Variants in KIF16B observed in about 807,000 individuals in gnomAD.
KIF16B encodes kinesin family member 16B, also known as kinesin-like protein KIF16B.
In KIF16B, 98 loss-of-function variants were observed where a neutral mutation model predicts 156.3. The observed-to-expected ratio is 0.63, with a 90% CI of 0.53 to 0.74. The LOEUF is 0.74. Among genes scored for constraint, KIF16B ranks in the 30% least tolerant of loss-of-function variants. KIF16B has a pLI of 0.00. For synonymous variants in KIF16B, 564 were observed against 583.7 expected (o/e 0.97, Z 0.49); for missense variants, 1,421 against 1,606.5 (o/e 0.88, Z 1.97).
chr20:16,463,480 T>G (rs1428019641), intron 12 of KIF16B, among the ~76,000 whole-genome samples: 1 of 152,212 alleles, frequency 6.6e-6, no homozygotes, highest in Non-Finnish European at 1.5e-5. Context: ...GTCCGATGTT[T>G]TTTAACAAAA....
intron 1 of KIF16B, among the ~76,000 whole-genome samples, chr20:16,561,545 T>C (rs1240579353): frequency 6.6e-6 from 1 of 152,034 alleles, no homozygotes; most frequent in African/African-American, 2.4e-5. Context: ...GAGGGGAAAA[T>C]TCTTTTGCAA....
At chr20:16,349,176 T>C (rs368594809) in intron 23 of KIF16B, among the ~76,000 whole-genome samples, 8 of 152,250 alleles carry the variant, frequency 5.3e-5, no homozygotes, top group African/African-American at 1.9e-4. Context: ...TTTAAGCACA[T>C]AGTAAGTACG....
chr20:16,282,083 G>T (rs1487563825), intron 25 of KIF16B, among the ~76,000 whole-genome samples: 5 of 144,400 alleles, frequency 3.5e-5, no homozygotes, highest in Non-Finnish European at 7.5e-5. Flanking sequence ...TCAGGCTGGA[G>T]TGCAGTGGCA....
rs1201921367 is a variant in KIF16B, at chr20:16,497,694, T to G, written c.1177-16A>C. On this transcript the variant is annotated splice_polypyrimidine_tract_variant and intron_variant, in intron 10 of 25. Transcript: ENST00000354981. ...AGAGGGCAATCTACAATATAAACCA[T>G]AAAAGAAATCAGCAATTAATAAACA... 2.6e-6 allele frequency: 4 copies of G among 1,564,544 alleles called. No individual in the cohort carries two copies. The highest frequency in any genetic ancestry group is 3.5e-6 in the Non-Finnish European group (4 of 1,144,606).
At chr20:16,472,553 T>TAAAAAAA (rs11318601) in intron 12 of KIF16B, among the ~76,000 whole-genome samples, 7 of 113,562 alleles carry the variant, frequency 6.2e-5, no homozygotes, top group East Asian at 2.5e-4. Context: ...CATCTGAAAT[T>TAAAAAAA]AAAAAAAAAA....
intron 23 of KIF16B, 89 bp from the exon 24 acceptor site, chr20:16,336,104 A>G: frequency 1.3e-6 from 1 of 755,670 alleles, no homozygotes; most frequent in Non-Finnish European, 2.2e-6. Context: ...AAATTTAAAA[A>G]AAGTGATTAG....
chr20:16,541,369 T>G (rs565438850), intron 1 of KIF16B, among the ~76,000 whole-genome samples: 2 of 152,224 alleles, frequency 1.3e-5, no homozygotes, highest in African/African-American at 2.4e-5. Flanking sequence ...CACCATGACC[T>G]ACATCCAAAT....
intron 25 of KIF16B, among the ~76,000 whole-genome samples, chr20:16,292,858 A>G (rs2063332382): frequency 6.6e-6 from 1 of 152,264 alleles, no homozygotes; most frequent in African/African-American, 2.4e-5. Context: ...CTTCAGGTTG[A>G]TAACAGTACT....
intron 15 of KIF16B, among the ~76,000 whole-genome samples, chr20:16,424,979 C>T (rs2066316372): frequency 6.6e-6 from 1 of 152,076 alleles, no homozygotes; most frequent in Non-Finnish European, 1.5e-5. Flanking sequence ...AGATATTTCA[C>T]AATACCAATA....
intron 1 of KIF16B, among the ~76,000 whole-genome samples, chr20:16,567,409 A>G (rs957948244): frequency 2.6e-5 from 4 of 152,080 alleles, no homozygotes; most frequent in African/African-American, 9.7e-5. Context: ...AGAATCCCCT[A>G]GAGGTTCCAT....
chr20:16,454,760 G>A (rs370665401), intron 12 of KIF16B, among the ~76,000 whole-genome samples: 45 of 152,174 alleles, frequency 3.0e-4, no homozygotes, highest in African/African-American at 8.9e-4. Flanking sequence ...GGCTTTCAGC[G>A]TAAAGGAAAA....
At position 16,447,998 on chromosome 20, in the gene KIF16B, C is replaced by T. The variant is rs113762591; in HGVS notation, c.1303-18016G>A. Among the ~76,000 whole-genome samples the T allele has an allele frequency of 2.6e-5, 4 of 152,268 alleles. 1 individual carries two copies. Among genetic ancestry groups the T allele is most frequent in the African/African-American group, 7.2e-5 (3 of 41,558 alleles). On this transcript the variant is annotated intron_variant, in intron 12 of 25. Coordinates refer to ENST00000354981, the MANE Select transcript of KIF16B (RefSeq NM_024704.5). ...CAGGTGTGTGAAGTAAAACACAAAACCAGCAAGCTTAAGACAGGAAGATTT... is the reference window on the plus strand; with the variant it reads ...CAGGTGTGTGAAGTAAAACACAAAATCAGCAAGCTTAAGACAGGAAGATTT...
chr20:16,530,316 T>C (rs2069698465), intron 1 of KIF16B, among the ~76,000 whole-genome samples: 1 of 152,148 alleles, frequency 6.6e-6, no homozygotes, highest in African/African-American at 2.4e-5. Flanking sequence ...TCACTTCTAA[T>C]GACTACAACA....
intron 12 of KIF16B, among the ~76,000 whole-genome samples, chr20:16,437,538 C>T (rs925947920): frequency 2.3e-4 from 35 of 152,092 alleles, no homozygotes; most frequent in African/African-American, 7.5e-4. Flanking sequence ...TTGAGAGTCA[C>T]GGGACAGGTA....
Position 16,506,192 on chromosome 20 carries a change from T to C in KIF16B, c.700-2A>G. 1 of 1,613,798 alleles carries C rather than the reference T, an allele frequency of 6.2e-7. No homozygotes were observed. ...TGGCATTTCAGAATCAAATTTAGCC[T>C]GTGGTAAAATAAAAAAGTAAAATTG... is the stretch of plus-strand genomic sequence containing the variant. On this transcript the variant is annotated splice_acceptor_variant, in intron 7 of 25. Coordinates refer to ENST00000354981, the MANE Select transcript of KIF16B (RefSeq NM_024704.5). LOFTEE classifies it high-confidence loss of function.
chr20:16,367,817 C>T (rs759004072), intron 22 of KIF16B: 13 of 1,611,398 alleles, frequency 8.1e-6, no homozygotes, highest in Non-Finnish European at 6.8e-6. Context: ...CACAGGAGGT[C>T]ACGACACAGC....
intron 25 of KIF16B, among the ~76,000 whole-genome samples, chr20:16,290,194 T>C (rs2063293337): frequency 6.6e-6 from 1 of 152,214 alleles, no homozygotes; most frequent in Non-Finnish European, 1.5e-5. Context: ...TGGTACCTCT[T>C]GGCTATAATG....
chr20:16,524,567 C>T (rs1158861412), intron 3 of KIF16B, among the ~76,000 whole-genome samples: 1 of 152,192 alleles, frequency 6.6e-6, no homozygotes, highest in African/African-American at 2.4e-5. Context: ...AACGCTTTTA[C>T]ACTGTTAGTG....
chr20:16,422,026 C>A (rs2066239223), intron 15 of KIF16B, among the ~76,000 whole-genome samples: 1 of 152,134 alleles, frequency 6.6e-6, no homozygotes. Flanking sequence ...TAACCTGAAT[C>A]ATTAACCAGA....
Sources: gnomAD v4.1 joint callset for allele counts (sites outside exome capture counted in the v4.1 genomes callset) on GRCh38, gnomAD v4.1.1 for gene constraint, MANE v1.5 for transcripts, NCBI Gene and HGNC (gene_info 2026-07-23, HGNC 2026-07-21) for gene names.